TRIM24: variants seen among roughly 807,000 people sequenced by gnomAD.
TRIM24 encodes the protein transcription intermediary factor 1-alpha.
TRIM24 carries 29 observed loss-of-function variants against 123.9 expected under a neutral mutation model. That is an observed-to-expected ratio of 0.23 (90% CI 0.17 to 0.32). The LOEUF (loss-of-function observed/expected upper bound fraction) is 0.32, where lower values mean the gene tolerates loss of function less well. Ranked by LOEUF, TRIM24 falls within the 10% of genes least tolerant of loss-of-function variation. The pLI, the probability that TRIM24 is intolerant of heterozygous loss-of-function variation, is 1.00. For synonymous variants in TRIM24, 456 were observed against 461.1 expected (o/e 0.99, Z 0.14); for missense variants, 932 against 1,295.3 (o/e 0.72, Z 4.31).
Position 138,585,860 on chromosome 7 carries a change from T to A in TRIM24, c.*909T>A. 1 of 519,118 alleles carries A rather than the reference T, an allele frequency of 1.9e-6. No homozygotes were observed. The highest frequency in any genetic ancestry group is 3.8e-6 in the Non-Finnish European group (1 of 259,920). 32.2% of individuals were successfully genotyped at this position (519,118 alleles called of 1,614,324 possible). On this transcript the variant is annotated 3_prime_UTR_variant, in exon 19 of 19. Coordinates refer to ENST00000343526, the MANE Select transcript of TRIM24 (RefSeq NM_015905.3). Reference sequence around the variant, plus strand: ...TGCACTGTATTTGATGTGAGGGTTCTTCATCATATACCCTACTGGGCATTA... The same window carrying A: ...TGCACTGTATTTGATGTGAGGGTTCATCATCATATACCCTACTGGGCATTA...
At chr7:138,560,339 G>A (rs561330179) in intron 9 of TRIM24, among the ~76,000 whole-genome samples, 4 of 152,210 alleles carry the variant, frequency 2.6e-5, no homozygotes, top group Non-Finnish European at 5.9e-5. Context: ...CAAATCTGGT[G>A]ATAATGTCTC....
intron 1 of TRIM24, among the ~76,000 whole-genome samples, chr7:138,478,982 A>T (rs552930668): frequency 1.3e-4 from 20 of 152,294 alleles, no homozygotes; most frequent in Admixed American, 9.2e-4. Flanking sequence ...TTAAGGCTCC[A>T]TCCTTGACTT....
intron 7 of TRIM24, among the ~76,000 whole-genome samples, chr7:138,546,251 C>T (rs1797100371): frequency 1.3e-5 from 2 of 152,100 alleles, no homozygotes; most frequent in South Asian, 4.2e-4. Context: ...AATACTGTAA[C>T]TAAGTCTGAT....
At chr7:138,502,447 A>G (rs149162908) in intron 1 of TRIM24, among the ~76,000 whole-genome samples, 18 of 152,332 alleles carry the variant, frequency 1.2e-4, no homozygotes, top group African/African-American at 3.6e-4. Flanking sequence ...GCTCAAAAAG[A>G]TTGATTAGGA....
intron 1 of TRIM24, among the ~76,000 whole-genome samples, chr7:138,486,431 T>C (rs1473121814): frequency 1.3e-5 from 2 of 152,198 alleles, no homozygotes; most frequent in Non-Finnish European, 2.9e-5. Context: ...TCCTGAATGG[T>C]ATTGCCTAGG....
rs71177994 is a variant in TRIM24 at position 138,537,379 on chromosome 7, G to GTTTTTTTTTTTTTTTTTTTTTTT, written c.997-1271_997-1249dup. On this transcript the variant is annotated intron_variant, in intron 6 of 18. Coordinates refer to ENST00000343526, the MANE Select transcript of TRIM24 (RefSeq NM_015905.3). ...AACCACTCCTCCGCCACCCCTGTTT[G>GTTTTTTTTTTTTTTTTTTTTTTT]TTTTTTTTTTTTTTTTTTTTTTTTT... Among the ~76,000 whole-genome samples, 4 of 56,642 alleles carry GTTTTTTTTTTTTTTTTTTTTTTT rather than the reference G, an allele frequency of 7.1e-5. 1 individual carries two copies. The highest frequency in any genetic ancestry group is 3.1e-5 in the Non-Finnish European group (1 of 32,628). The allele number at this position is 56,642 out of a possible 152,430, so 37.2% of individuals were successfully genotyped here.
intron 2 of TRIM24, among the ~76,000 whole-genome samples, chr7:138,514,120 A>G (rs773303968): frequency 1.1e-4 from 16 of 152,216 alleles, no homozygotes; most frequent in Non-Finnish European, 1.9e-4. Flanking sequence ...GAGAAAAGGT[A>G]GATTTTGGTT....
chr7:138,567,076 T>C (rs2116661974), intron 9 of TRIM24, among the ~76,000 whole-genome samples: 1 of 152,390 alleles, frequency 6.6e-6, no homozygotes, highest in South Asian at 2.1e-4. Flanking sequence ...AACTGCTCAA[T>C]AAGTGTTAGC....
intron 1 of TRIM24, among the ~76,000 whole-genome samples, chr7:138,467,562 C>T (rs549624111): frequency 2.0e-5 from 3 of 152,190 alleles, no homozygotes; most frequent in African/African-American, 4.8e-5. Flanking sequence ...AGGATGGTCT[C>T]GATCTCTTGA....
intron 7 of TRIM24, among the ~76,000 whole-genome samples, chr7:138,547,773 A>G (rs983122032): frequency 2.6e-5 from 4 of 151,994 alleles, no homozygotes; most frequent in Non-Finnish European, 4.4e-5. Flanking sequence ...CCTCCCAAGT[A>G]TCTGTGATTA....
intron 13 of TRIM24, among the ~76,000 whole-genome samples, chr7:138,576,665 AAAT>A (rs1315343111): frequency 2.0e-5 from 3 of 152,192 alleles, no homozygotes; most frequent in Admixed American, 1.3e-4. Context: ...AATATGTTGA[AAAT>A]AAGAAATGTT....
At chr7:138,531,233 T>TGTTACACACGTATACAG (rs1796730400) in intron 6 of TRIM24, among the ~76,000 whole-genome samples, 1 of 146,946 alleles carries the variant, frequency 6.8e-6, no homozygotes, top group Admixed American at 6.6e-5. Flanking sequence ...TACGTATACA[T>TGTTACACACGTATACAG]GTTACACGTT....
chr7:138,481,463 AT>A (rs1440556806), intron 1 of TRIM24, among the ~76,000 whole-genome samples: 1 of 151,518 alleles, frequency 6.6e-6, no homozygotes, highest in African/African-American at 2.4e-5. Context: ...AGGGTCTTTT[AT>A]TTTTTGAATT....
chr7:138,499,875 T>G (rs927043302), intron 1 of TRIM24, among the ~76,000 whole-genome samples: 12 of 152,164 alleles, frequency 7.9e-5, no homozygotes, highest in Admixed American at 7.9e-4. Flanking sequence ...TATTTACTTG[T>G]TTTTTGTTAT....
chr7:138,537,020 T>C (rs985973723), intron 6 of TRIM24, among the ~76,000 whole-genome samples: 6 of 151,974 alleles, frequency 3.9e-5, no homozygotes, highest in Non-Finnish European at 8.8e-5. Flanking sequence ...GAGACAGACG[T>C]GGGTTATAAT....
At chr7:138,469,331 ATT>A (rs1051563303) in intron 1 of TRIM24, among the ~76,000 whole-genome samples, 26 of 137,176 alleles carry the variant, frequency 1.9e-4, no homozygotes, top group Middle Eastern at 3.6e-3. Context: ...CCCTTTCTCA[ATT>A]TTTTTTTTTT....
chr7:138,583,869 T>C lies in TRIM24; in HGVS notation c.2813T>C (p.Ile938Thr). The change falls in exon 18 of 19, where the codon ATA becomes ACA. Residue 938 changes from isoleucine (I) to threonine (T), a missense_variant. Ile to Thr is a moderately conservative substitution (Grantham distance 89). Coordinates refer to ENST00000343526, the MANE Select transcript of TRIM24 (RefSeq NM_015905.3). ...VPLTVPDYYK[I>T]IKNPMDLSTI... ...TAATAGGTGCCTGATTATTACAAAA[T>C]AATTAAAAATCCAATGGATTTGTCA... The C allele has an allele frequency of 6.3e-7, 1 of 1,583,514 alleles. No individual in the cohort carries two copies. The highest frequency in any genetic ancestry group is 8.6e-7 in the Non-Finnish European group (1 of 1,164,996).
At chr7:138,525,579 A>G (rs925038570) in intron 5 of TRIM24, among the ~76,000 whole-genome samples, 1 of 152,206 alleles carries the variant, frequency 6.6e-6, no homozygotes, top group Admixed American at 6.5e-5. Flanking sequence ...TAGCTCATTT[A>G]TCTAATAGGT....
intron 9 of TRIM24, among the ~76,000 whole-genome samples, chr7:138,562,969 A>C (rs1177584375): frequency 1.3e-5 from 2 of 152,060 alleles, no homozygotes; most frequent in African/African-American, 4.8e-5. Flanking sequence ...TTCATGTTGG[A>C]CCTCTTGTCC....
Sources: gnomAD v4.1 joint callset for allele counts (sites outside exome capture counted in the v4.1 genomes callset) on GRCh38, gnomAD v4.1.1 for gene constraint, MANE v1.5 for transcripts, NCBI Gene and HGNC (gene_info 2026-07-23, HGNC 2026-07-21) for gene names.